MORF4L2: variants seen among roughly 807,000 people sequenced by gnomAD.
MORF4L2 encodes mortality factor 4-like protein 2.
Under a neutral mutation model 12.0 loss-of-function variants are expected in MORF4L2, and 1 was observed. That is an observed-to-expected ratio of 0.08 (90% CI 0.03 to 0.40). The LOEUF is 0.40. MORF4L2 is among the 10% of genes least tolerant of loss of function. The probability of loss-of-function intolerance (pLI) is 0.98; values close to 1 mark genes in which losing one functional copy is unlikely to be tolerated. For missense variants in MORF4L2, 123 were observed against 214.0 expected, an observed-to-expected ratio of 0.57 and a Z score of 2.65; for synonymous variants, 69 against 81.6, an observed-to-expected ratio of 0.85 and a Z score of 0.83.
chrX:103,683,950 G>C (rs923123864), intron 2 of MORF4L2, among the ~76,000 whole-genome samples: 1 of 111,331 alleles, frequency 9.0e-6, no homozygotes, highest in Non-Finnish European at 1.9e-5. Context: ...TGTGCCTACC[G>C]ATCTAATGCA....
At chrX:103,683,908 C>A (rs1010982004) in intron 2 of MORF4L2, among the ~76,000 whole-genome samples, 4 of 111,222 alleles carry the variant, frequency 3.6e-5, no homozygotes, top group African/African-American at 1.3e-4. Flanking sequence ...GGCCCCTAAT[C>A]ATTCTCTAAA....
intron 2 of MORF4L2, among the ~76,000 whole-genome samples, chrX:103,679,860 C>CAAAAAA (rs1157909391): frequency 4.6e-4 from 22 of 47,700 alleles, no homozygotes; most frequent in Middle Eastern, 0.014. Context: ...CACCTGTGGG[C>CAAAAAA]AAAAAAAAAA....
At chrX:103,685,644 T>C (rs1291614533) in intron 1 of MORF4L2, 1 of 95,324 alleles carries the variant, frequency 1.0e-5, no homozygotes, top group African/African-American at 3.9e-5. Context: ...CTCACCGGAA[T>C]ATCTGACTTC....
In MORF4L2 at chrX:103,676,815, G is replaced by A. The variant is rs762976953; in HGVS notation, c.213C>T (p.Ser71=). 5.0e-6 allele frequency: 6 copies of A among 1,201,963 alleles called. No individual in the cohort carries two copies. Among genetic ancestry groups the A allele is most frequent in the Admixed American group, 2.2e-5 (1 of 44,493 alleles). ...GRSAENPPSG[S]VRKTRKNKQK... is the part of the protein sequence containing the mutation. ...GCTTGTTCTTTCTGGTCTTCCTCACGGATCCTGAAGGGGGGTTCTCTGCAG... is the reference window on the plus strand; with the variant it reads ...GCTTGTTCTTTCTGGTCTTCCTCACAGATCCTGAAGGGGGGTTCTCTGCAG... The change falls in exon 4 of 4, where the codon TCC becomes TCT. Residue 71 remains serine (S), a synonymous_variant. Transcript: ENST00000441076.
chrX:103,682,515 T>C (rs6621725), intron 2 of MORF4L2, among the ~76,000 whole-genome samples: 45,919 of 109,784 alleles, frequency 0.42, 7,056 homozygotes, highest in East Asian at 0.59. Flanking sequence ...TGGAAAAACA[T>C]CTTTTTGAAA....
chrX:103,687,239 GC>G (rs2074135127), upstream of MORF4L2: 2 of 110,950 alleles, frequency 1.8e-5, no homozygotes, highest in Non-Finnish European at 3.8e-5. Flanking sequence ...GTGGGGAAGC[GC>G]GAGGTCAAAT....
intron 2 of MORF4L2, among the ~76,000 whole-genome samples, chrX:103,683,422 T>C (rs2074033560): frequency 8.9e-6 from 1 of 112,606 alleles, no homozygotes; most frequent in African/African-American, 3.2e-5. Context: ...GTATATCTGA[T>C]AGTTCTCACC....
intron 2 of MORF4L2, among the ~76,000 whole-genome samples, chrX:103,682,160 C>T (rs1198969038): frequency 8.9e-6 from 1 of 111,993 alleles, no homozygotes; most frequent in African/African-American, 3.3e-5. Context: ...TTGCTTTGCT[C>T]ACTTCTCATA....
At chrX:103,684,245 G>A (rs1353694147) in intron 2 of MORF4L2, among the ~76,000 whole-genome samples, 2 of 108,320 alleles carry the variant, frequency 1.8e-5, no homozygotes, top group Non-Finnish European at 3.8e-5. Context: ...TTTCTCTTCT[G>A]GATCTTGAAA....
At chrX:103,683,431 C>A (rs1258971523) in intron 2 of MORF4L2, among the ~76,000 whole-genome samples, 1 of 112,288 alleles carries the variant, frequency 8.9e-6, no homozygotes, top group African/African-American at 3.2e-5. Context: ...ATAGTTCTCA[C>A]CAGTATTAAT....
intron 2 of MORF4L2, among the ~76,000 whole-genome samples, chrX:103,679,881 A>AAAAAAG (rs1556144429): frequency 4.1e-5 from 2 of 48,996 alleles, no homozygotes; most frequent in Admixed American, 3.2e-4. Flanking sequence ...AAAAAAAAAA[A>AAAAAAG]AAAAGAAAAG....
intron 2 of MORF4L2, among the ~76,000 whole-genome samples, chrX:103,679,753 A>G (rs1197746126): frequency 1.9e-5 from 2 of 107,646 alleles, no homozygotes; most frequent in Non-Finnish European, 3.8e-5. Flanking sequence ...TCACCCACAG[A>G]AAAAGCCCAG....
Position 103,680,655 on chromosome X carries a change from T to C in MORF4L2, c.-177-2004A>G, listed in dbSNP as rs146244222. Among the ~76,000 whole-genome samples, 4 of 112,809 alleles carry C rather than the reference T, an allele frequency of 3.5e-5. No homozygotes were observed. The East Asian group carries it at 8.3e-4, about 23-fold the overall frequency. ...CTTGGGATGAGAAGTGTTTCAGATA[T>C]TGGAATATTTGCATATGTGTGAGAA... On this transcript the variant is annotated intron_variant, in intron 2 of 3. Coordinates refer to ENST00000441076, the MANE Select transcript of MORF4L2 (RefSeq NM_012286.3).
intron 2 of MORF4L2, among the ~76,000 whole-genome samples, chrX:103,679,982 T>C (rs916295120): frequency 5.6e-4 from 62 of 110,517 alleles, no homozygotes; most frequent in African/African-American, 2.0e-3. Context: ...GGTCAGGAGT[T>C]CAAGACCAGC....
chrX:103,684,600 G>A (rs2074057296), intron 2 of MORF4L2: 1 of 111,803 alleles, frequency 8.9e-6, no homozygotes, highest in South Asian at 3.7e-4. Context: ...ACTGCTTTTA[G>A]AAGTAGGTGT....
chrX:103,683,845 G>C (rs2074040854), intron 2 of MORF4L2, among the ~76,000 whole-genome samples: 1 of 110,278 alleles, frequency 9.1e-6, no homozygotes, highest in Admixed American at 9.7e-5. Flanking sequence ...TGGTCACCCT[G>C]ACCCTTGCTT....
At chrX:103,677,859 A>C (rs1603194696) in intron 3 of MORF4L2, among the ~76,000 whole-genome samples, 1 of 111,514 alleles carries the variant, frequency 9.0e-6, no homozygotes, top group Non-Finnish European at 1.9e-5. Context: ...ACATGACACC[A>C]CTGTCAGTGA....
intron 1 of MORF4L2, 177 bp from the exon 2 acceptor site, chrX:103,685,437 G>A (rs1188171917): frequency 1.8e-5 from 2 of 111,677 alleles, no homozygotes; most frequent in Non-Finnish European, 3.8e-5. Flanking sequence ...TTAATTTATT[G>A]TACATTTGTA....
Position 103,675,968 on chromosome X carries a change from G to T in MORF4L2, c.*193C>A, listed in dbSNP as rs1004763409. 41 of 435,088 alleles carry T rather than the reference G, an allele frequency of 9.4e-5. No individual in the cohort carries two copies. The highest frequency in any genetic ancestry group is 1.5e-4 in the Non-Finnish European group (38 of 258,785). The allele number at this position is 435,088 out of a possible 1,213,427, so 35.9% of individuals were successfully genotyped here. ...TTTGTTCTAATTACTGCATACACTG[G>T]TAGCAACTTTGAAATGAGAAAAGGA... On this transcript the variant is annotated 3_prime_UTR_variant, in exon 4 of 4. Coordinates refer to ENST00000441076, the MANE Select transcript of MORF4L2 (RefSeq NM_012286.3).
Sources: gnomAD v4.1 joint callset for allele counts (sites outside exome capture counted in the v4.1 genomes callset) on GRCh38, gnomAD v4.1.1 for gene constraint, MANE v1.5 for transcripts, NCBI Gene and HGNC (gene_info 2026-07-23, HGNC 2026-07-21) for gene names.